SNX29: variants seen among roughly 807,000 people sequenced by gnomAD.
SNX29 encodes sorting nexin 29.
A neutral mutation model predicts 102.1 loss-of-function variants in SNX29; 78 were observed. The observed-to-expected ratio is 0.76, with a 90% confidence interval of 0.64 to 0.92. The LOEUF (loss-of-function observed/expected upper bound fraction) is 0.92. SNX29 is among the 40% of genes least tolerant of loss of function. The probability of loss-of-function intolerance (pLI) is 0.00; values close to 1 mark genes in which losing one functional copy is unlikely to be tolerated. For synonymous variants in SNX29, 580 were observed against 414.5 expected (o/e 1.40, Z -4.85); for missense variants, 1,280 against 1,061.7 (o/e 1.21, Z -2.86).
At chr16:12,409,823 A>T (rs932696160) in intron 18 of SNX29, among the ~76,000 whole-genome samples, 4 of 152,130 alleles carry the variant, frequency 2.6e-5, no homozygotes, top group African/African-American at 9.7e-5. Context: ...AAATACCTTC[A>T]GTGTAAGTAC....
intron 20 of SNX29, among the ~76,000 whole-genome samples, chr16:12,539,484 CATAAAGGAATAAAGTT>C (rs2077226615): frequency 6.6e-6 from 1 of 152,154 alleles, no homozygotes; most frequent in Non-Finnish European, 1.5e-5. Context: ...TTTATCTAGT[CATAAAGGAATAAAGTT>C]GCGTTGGTTC....
chr16:12,116,514 A>T (rs572196350), intron 11 of SNX29, among the ~76,000 whole-genome samples: 19 of 152,296 alleles, frequency 1.2e-4, no homozygotes, highest in African/African-American at 4.3e-4. Context: ...TCTACTTAAA[A>T]AATACAAAAA....
At chr16:12,550,657 G>A (rs994372041) in intron 20 of SNX29, among the ~76,000 whole-genome samples, 3 of 152,108 alleles carry the variant, frequency 2.0e-5, no homozygotes, top group Non-Finnish European at 4.4e-5. Flanking sequence ...TCACTTAGTG[G>A]AGGACCAAGG....
At chr16:12,439,673 A>G (rs116508200) in intron 18 of SNX29, among the ~76,000 whole-genome samples, 3,901 of 152,280 alleles carry the variant, frequency 0.026, 88 homozygotes, top group East Asian at 0.099. Context: ...CACAACATGA[A>G]GGAGTTATGG....
rs561023580 is a variant in SNX29, at chr16:12,229,748, A to C, written c.1678+30065A>C. 1.6e-4 allele frequency among the ~76,000 whole-genome samples: 25 copies of C among 152,314 alleles called. No individual in the cohort carries two copies. The South Asian group carries it at 3.5e-3, about 21-fold the overall frequency. On this transcript the variant is annotated intron_variant, in intron 14 of 20. Coordinates refer to ENST00000566228, the MANE Select transcript of SNX29 (RefSeq NM_032167.5). The stretch of plus-strand genomic sequence containing the variant: ...GTTCTTGGGGTAGTGCCTTCAGCCA[A>C]GTCAAAAGGGATGAACTGAGCTGAC...
At chr16:12,543,609 G>C (rs528691548) in intron 20 of SNX29, among the ~76,000 whole-genome samples, 3 of 152,220 alleles carry the variant, frequency 2.0e-5, no homozygotes, top group Non-Finnish European at 4.4e-5. Flanking sequence ...CCCCGATGGA[G>C]TGGGCAGTGC....
At chr16:12,466,403 A>G (rs1454133401) in intron 18 of SNX29, among the ~76,000 whole-genome samples, 1 of 152,250 alleles carries the variant, frequency 6.6e-6, no homozygotes, top group African/African-American at 2.4e-5. Flanking sequence ...AGTCCCATTT[A>G]TAATAACATC....
At chr16:12,438,514 G>GA (rs2085644282) in intron 18 of SNX29, among the ~76,000 whole-genome samples, 1 of 152,118 alleles carries the variant, frequency 6.6e-6, no homozygotes, top group East Asian at 1.9e-4. Context: ...GTCCAAGCAG[G>GA]AAAAGGTAGC....
chr16:12,043,691 A>T (rs1408261530), intron 5 of SNX29, among the ~76,000 whole-genome samples: 1 of 151,888 alleles, frequency 6.6e-6, no homozygotes, highest in African/African-American at 2.4e-5. Context: ...AATTCATTCA[A>T]TCCCAAACTG....
chr16:12,027,541 G>T (rs963887221), intron 4 of SNX29, 97 bp downstream of exon 4: 1 of 1,438,204 alleles, frequency 7.0e-7, no homozygotes, highest in African/African-American at 1.4e-5. Flanking sequence ...CAGTGATCGC[G>T]TGGGACTTGG....
chr16:12,524,574 T>TA (rs1381253994), intron 19 of SNX29, 128 bp from the exon 20 acceptor site: 44 of 1,044,978 alleles, frequency 4.2e-5, no homozygotes, highest in Non-Finnish European at 5.7e-5. Context: ...GGACCATTCA[T>TA]ACGAGATAGT....
At chr16:12,432,328 G>T (rs2085347576) in intron 18 of SNX29, among the ~76,000 whole-genome samples, 1 of 152,186 alleles carries the variant, frequency 6.6e-6, no homozygotes, top group South Asian at 2.1e-4. Flanking sequence ...TTGTGGTGTG[G>T]TGGAGGAAAC....
At chr16:12,429,051 C>A (rs1184230164) in intron 18 of SNX29, among the ~76,000 whole-genome samples, 1 of 152,194 alleles carries the variant, frequency 6.6e-6, no homozygotes, top group Non-Finnish European at 1.5e-5. Context: ...AATCCCAACA[C>A]ACAGATACGA....
intron 18 of SNX29, among the ~76,000 whole-genome samples, chr16:12,446,863 G>A (rs536637711): frequency 1.3e-5 from 2 of 152,044 alleles, no homozygotes; most frequent in South Asian, 2.1e-4. Flanking sequence ...CTAAGGGCAG[G>A]ATTGACATAT....
chr16:12,402,449 C>G (rs1006541641), intron 17 of SNX29, among the ~76,000 whole-genome samples: 4 of 152,212 alleles, frequency 2.6e-5, no homozygotes, highest in Non-Finnish European at 2.9e-5. Context: ...TGGAACAGCT[C>G]TAATTAGAGG....
rs143118438 is a variant in SNX29, at chr16:12,044,681, C to T, written c.428+1604C>T. 4.6e-3 allele frequency among the ~76,000 whole-genome samples: 706 copies of T among 152,226 alleles called. 12 individuals are homozygous for T. The highest frequency in any genetic ancestry group is 0.016 in the African/African-American group (665 of 41,522). On this transcript the variant is annotated intron_variant, in intron 5 of 20. Coordinates refer to ENST00000566228, the MANE Select transcript of SNX29 (RefSeq NM_032167.5). ...GTAACCTCTGCCTCCCGGCTTCAAGCGATTCTCCTGCCTCAGCCTCCCGAG... is the reference window on the plus strand; with the variant it reads ...GTAACCTCTGCCTCCCGGCTTCAAGTGATTCTCCTGCCTCAGCCTCCCGAG...
intron 16 of SNX29, among the ~76,000 whole-genome samples, chr16:12,393,691 A>G (rs921976866): frequency 6.6e-6 from 1 of 152,224 alleles, no homozygotes; most frequent in African/African-American, 2.4e-5. Context: ...CTTAGATGAG[A>G]AGAGCTAACC....
At chr16:12,399,282 C>T (rs966214326) in intron 17 of SNX29, among the ~76,000 whole-genome samples, 4 of 152,248 alleles carry the variant, frequency 2.6e-5, no homozygotes, top group African/African-American at 9.6e-5. Flanking sequence ...GAACTCCTGA[C>T]CTCAGGTGAT....
At chr16:12,019,985 A>T (rs116196018) in intron 3 of SNX29, among the ~76,000 whole-genome samples, 1 of 152,120 alleles carries the variant, frequency 6.6e-6, no homozygotes, top group Non-Finnish European at 1.5e-5. Context: ...ACATACAGTT[A>T]CCTATCCTGC....
Sources: allele counts gnomAD v4.1 joint callset (sites outside exome capture counted in the v4.1 genomes callset), GRCh38; gene constraint gnomAD v4.1.1; transcripts MANE v1.5; gene names NCBI Gene and HGNC (gene_info 2026-07-23, HGNC 2026-07-21).